Variants in GPC6 observed in about 807,000 individuals in gnomAD.
The protein encoded by GPC6 is glypican 6.
In GPC6, 14 loss-of-function variants were observed where a neutral mutation model predicts 55.2. The observed-to-expected ratio is 0.25, with a 90% CI of 0.17 to 0.40. The LOEUF is 0.40. Among genes scored for constraint, GPC6 ranks in the 10% least tolerant of loss-of-function variants. The pLI, the probability that GPC6 is intolerant of heterozygous loss-of-function variation, is 1.00. For missense variants in GPC6, 641 were observed against 708.5 expected (o/e 0.90, Z 1.08); for synonymous variants, 278 against 259.6 (o/e 1.07, Z -0.68).
intron 2 of GPC6, among the ~76,000 whole-genome samples, chr13:93,790,296 C>A (rs1460599712): frequency 6.6e-6 from 1 of 152,146 alleles, no homozygotes; most frequent in East Asian, 1.9e-4. Flanking sequence ...GGGAAATCTA[C>A]ATTTCATTAT....
intron 3 of GPC6, among the ~76,000 whole-genome samples, chr13:93,844,687 G>T (rs59124470): frequency 6.8e-6 from 1 of 146,792 alleles, no homozygotes; most frequent in African/African-American, 2.5e-5. Flanking sequence ...TGTTGCCATT[G>T]CTTTTGGTGT....
chr13:94,267,231 G>A (rs775071999), intron 4 of GPC6, among the ~76,000 whole-genome samples: 10 of 152,012 alleles, frequency 6.6e-5, no homozygotes, highest in Admixed American at 2.6e-4. Flanking sequence ...TTGTAATAAC[G>A]TTTGGAAACC....
chr13:93,969,957 G>A (rs1880212620), intron 3 of GPC6, among the ~76,000 whole-genome samples: 1 of 152,118 alleles, frequency 6.6e-6, no homozygotes, highest in African/African-American at 2.4e-5. Context: ...ACATCACCAG[G>A]TGTGATTATG....
At chr13:94,264,427 C>G (rs1448718239) in intron 4 of GPC6, among the ~76,000 whole-genome samples, 2 of 152,212 alleles carry the variant, frequency 1.3e-5, no homozygotes, top group Non-Finnish European at 2.9e-5. Context: ...TCTTGTGAAA[C>G]TTCCATCTAT....
intron 2 of GPC6, among the ~76,000 whole-genome samples, chr13:93,728,882 A>G (rs1204422090): frequency 6.6e-6 from 1 of 151,958 alleles, no homozygotes. Context: ...TTTCTTTATT[A>G]ATTTATTGTA....
chr13:93,327,636 C>T (rs953598168), intron 1 of GPC6, among the ~76,000 whole-genome samples: 1 of 152,116 alleles, frequency 6.6e-6, no homozygotes, highest in African/African-American at 2.4e-5. Context: ...CAGTCTCAGT[C>T]TCCTTGGCTT....
chr13:93,972,727 T>A (rs1251368295), intron 3 of GPC6, among the ~76,000 whole-genome samples: 1 of 152,160 alleles, frequency 6.6e-6, no homozygotes, highest in African/African-American at 2.4e-5. Flanking sequence ...CTATTGGAAA[T>A]CTTGTGATGA....
chr13:94,140,238 C>A (rs1372656183), intron 4 of GPC6, among the ~76,000 whole-genome samples: 1 of 152,002 alleles, frequency 6.6e-6, no homozygotes. Flanking sequence ...GATGTAGTAC[C>A]GCAGGGACTG....
rs1479326461 is a variant in GPC6 at position 94,248,308 on chromosome 13, G to T, written c.878-38041G>T. On this transcript the variant is annotated intron_variant, in intron 4 of 8. Transcript: ENST00000377047. ...CTGACAGCAACATCTACGTTTGGAT[G>T]AATGCTTCCAAATTTGGTTAAATTG... Among the ~76,000 whole-genome samples the T allele has an allele frequency of 2.0e-5, 3 of 152,078 alleles. No individual in the cohort carries two copies. In the East Asian group the frequency reaches 5.8e-4, roughly 29 times the overall value.
At chr13:93,443,675 T>A (rs1877890152) in intron 1 of GPC6, among the ~76,000 whole-genome samples, 1 of 152,200 alleles carries the variant, frequency 6.6e-6, no homozygotes. Flanking sequence ...TATGTTAGTC[T>A]GAGGTTATTG....
At chr13:94,346,746 C>T (rs1415646266) in intron 6 of GPC6, among the ~76,000 whole-genome samples, 1 of 149,180 alleles carries the variant, frequency 6.7e-6, no homozygotes, top group Non-Finnish European at 1.5e-5. Flanking sequence ...AAATTCACTG[C>T]AATACCTATG....
intron 6 of GPC6, among the ~76,000 whole-genome samples, chr13:94,368,816 CA>C (rs1329660866): frequency 6.6e-6 from 1 of 152,192 alleles, no homozygotes; most frequent in African/African-American, 2.4e-5. Context: ...CAGGCTCACA[CA>C]GTGAATCAAA....
intron 4 of GPC6, among the ~76,000 whole-genome samples, chr13:94,247,475 G>A (rs1891229750): frequency 6.6e-6 from 1 of 152,014 alleles, no homozygotes; most frequent in South Asian, 2.1e-4. Context: ...TATGATGTTA[G>A]CCGTAGATTT....
At chr13:93,391,578 T>C (rs939705406) in intron 1 of GPC6, among the ~76,000 whole-genome samples, 5 of 152,246 alleles carry the variant, frequency 3.3e-5, no homozygotes, top group African/African-American at 1.2e-4. Context: ...CTAAGATAAA[T>C]ACATAAGCAT....
chr13:93,636,330 A>G (rs1367665131), intron 2 of GPC6, among the ~76,000 whole-genome samples: 2 of 152,196 alleles, frequency 1.3e-5, no homozygotes, highest in Admixed American at 6.5e-5. Context: ...AAAACAAAAC[A>G]ATTGAAACCC....
chr13:93,993,905 G>T (rs1226399441), intron 3 of GPC6, among the ~76,000 whole-genome samples: 2 of 152,166 alleles, frequency 1.3e-5, no homozygotes, highest in African/African-American at 2.4e-5. Flanking sequence ...CATACTGTAT[G>T]TGGGAATATT....
chr13:94,324,015 T>C (rs1876978295), intron 6 of GPC6, among the ~76,000 whole-genome samples: 1 of 152,216 alleles, frequency 6.6e-6, no homozygotes, highest in South Asian at 2.1e-4. Flanking sequence ...AAGCTAATGC[T>C]GGCTTCCGGC....
At chr13:93,597,611 C>T (rs896408971) in intron 2 of GPC6, among the ~76,000 whole-genome samples, 2 of 152,148 alleles carry the variant, frequency 1.3e-5, no homozygotes, top group Non-Finnish European at 2.9e-5. Flanking sequence ...AGACCAACCC[C>T]CTCTTCTTGC....
rs1379740544 is a variant in GPC6 at position 93,231,392 on chromosome 13, T to C, written c.160+3776T>C. ...ATATATATATATACATATATATATATATATGTATATATATATATATATATA... is the reference window on the plus strand; with the variant it reads ...ATATATATATATACATATATATATACATATGTATATATATATATATATATA... On this transcript the variant is annotated intron_variant, in intron 1 of 8. Coordinates refer to ENST00000377047, the MANE Select transcript of GPC6 (RefSeq NM_005708.5). Among the ~76,000 whole-genome samples the C allele has an allele frequency of 2.4e-3, 51 of 21,126 alleles. 1 individual carries two copies. Among genetic ancestry groups the C allele is most frequent in the Admixed American group, 0.016 (23 of 1,460 alleles). The allele number at this position is 21,126 out of a possible 152,430, so 13.9% of individuals were successfully genotyped here. A position where few individuals can be genotyped will look rare whatever the true frequency, so the allele number is the denominator to read the frequency against.
Sources: gnomAD v4.1 joint callset for allele counts (sites outside exome capture counted in the v4.1 genomes callset) on GRCh38, gnomAD v4.1.1 for gene constraint, MANE v1.5 for transcripts, NCBI Gene and HGNC (gene_info 2026-07-23, HGNC 2026-07-21) for gene names.